Variants in KCNK13 observed in about 807,000 individuals in gnomAD.
KCNK13 encodes potassium two pore domain channel subfamily K member 13, also known as potassium channel subfamily K member 13.
A neutral mutation model predicts 23.4 loss-of-function variants in KCNK13; 12 were observed. The ratio of observed to expected loss-of-function variants is 0.51; its 90% confidence interval spans 0.33 to 0.83. The LOEUF is 0.83. Ranked by LOEUF, KCNK13 falls within the 40% of genes least tolerant of loss-of-function variation. The pLI is 0.02. For missense variants in KCNK13, 463 were observed against 556.3 expected (o/e 0.83, Z 1.69); for synonymous variants, 231 against 229.5 (o/e 1.01, Z -0.06).
At chr14:90,151,883 T>C (rs1156381215) in intron 1 of KCNK13, among the ~76,000 whole-genome samples, 1 of 152,228 alleles carries the variant, frequency 6.6e-6, no homozygotes, top group African/African-American at 2.4e-5. Flanking sequence ...GAGACTGTCC[T>C]TTTCCCATTG....
At chr14:90,147,016 A>G (rs184629919) in intron 1 of KCNK13, among the ~76,000 whole-genome samples, 1 of 152,304 alleles carries the variant, frequency 6.6e-6, no homozygotes, top group East Asian at 1.9e-4. Context: ...TATAATATAC[A>G]TGTTAACCTA....
intron 1 of KCNK13, among the ~76,000 whole-genome samples, chr14:90,143,212 CTT>C (rs60670249): frequency 9.8e-5 from 11 of 112,546 alleles, no homozygotes; most frequent in Non-Finnish European, 9.6e-5. Flanking sequence ...TCTTTCTTTT[CTT>C]TTTTTTTTTT....
At chr14:90,095,836 C>T (rs948692969) in intron 1 of KCNK13, among the ~76,000 whole-genome samples, 44 of 152,180 alleles carry the variant, frequency 2.9e-4, no homozygotes, top group African/African-American at 9.9e-4. Context: ...TAACCTGCCC[C>T]CCACCTTCAG....
At chr14:90,126,124 C>T (rs1046271717) in intron 1 of KCNK13, among the ~76,000 whole-genome samples, 2 of 151,476 alleles carry the variant, frequency 1.3e-5, no homozygotes, top group Admixed American at 6.6e-5. Context: ...AGTAAATATC[C>T]CTAAGTCCAC....
At chr14:90,136,041 A>C (rs1290451695) in intron 1 of KCNK13, among the ~76,000 whole-genome samples, 1 of 152,142 alleles carries the variant, frequency 6.6e-6, no homozygotes, top group Non-Finnish European at 1.5e-5. Flanking sequence ...CCCGGGCAGC[A>C]GTATGGTGGA....
At chr14:90,063,743 C>T (rs1459893761) in intron 1 of KCNK13, among the ~76,000 whole-genome samples, 1 of 152,164 alleles carries the variant, frequency 6.6e-6, no homozygotes, top group East Asian at 1.9e-4. Flanking sequence ...GACATTCTGC[C>T]AGGAGAAGCA....
intron 1 of KCNK13, among the ~76,000 whole-genome samples, chr14:90,085,899 C>G (rs1385012838): frequency 6.9e-6 from 1 of 144,342 alleles, no homozygotes; most frequent in Admixed American, 7.1e-5. Context: ...TTTTCCTTTT[C>G]TTGTGCCCTT....
Position 90,062,588 on chromosome 14 carries a change from T to G in KCNK13, c.334+49T>G, listed in dbSNP as rs1380538388. On this transcript the variant is annotated intron_variant, in intron 1 of 1. Transcript: ENST00000282146. This position sits in a 1 kb window ranked among gnomAD's most constrained non-coding sequence, Gnocchi z 4.5. ...TGACAACCTCCGGGCGGCCTCCACT[T>G]CCTCCGGGGGGCAGGACCGACCCTC... 4 of 1,363,152 alleles carry G rather than the reference T, an allele frequency of 2.9e-6. No individual in the cohort carries two copies. Among genetic ancestry groups the G allele is most frequent in the Non-Finnish European group, 3.9e-6 (4 of 1,027,766 alleles). The allele number at this position is 1,363,152 out of a possible 1,614,324, so 84.4% of individuals were successfully genotyped here.
intron 1 of KCNK13, chr14:90,107,797 G>T (rs1889564621): frequency 1.2e-6 from 1 of 853,554 alleles, no homozygotes; most frequent in Admixed American, 1.7e-5. Flanking sequence ...TCAAACAAGG[G>T]CTTCTGGAAT....
chr14:90,114,729 G>A (rs747626935), intron 1 of KCNK13, among the ~76,000 whole-genome samples: 11 of 152,144 alleles, frequency 7.2e-5, no homozygotes, highest in African/African-American at 2.4e-4. Context: ...GGAGGTGTAC[G>A]CTCCTGATTC....
At chr14:90,166,370 C>A (rs910106626) in intron 1 of KCNK13, among the ~76,000 whole-genome samples, 1 of 152,192 alleles carries the variant, frequency 6.6e-6, no homozygotes, top group African/African-American at 2.4e-5. Context: ...TTTAAATCAG[C>A]CTGTAACATA....
At chr14:90,115,154 G>A (rs749585942) in intron 1 of KCNK13, among the ~76,000 whole-genome samples, 22 of 152,070 alleles carry the variant, frequency 1.4e-4, no homozygotes, top group Non-Finnish European at 2.8e-4. Flanking sequence ...CCCAAACACA[G>A]AGAGGACTTT....
chr14:90,120,419 A>G (rs908592344), intron 1 of KCNK13, among the ~76,000 whole-genome samples: 9 of 152,192 alleles, frequency 5.9e-5, no homozygotes, highest in Admixed American at 1.3e-4. Flanking sequence ...ACTTATAAAG[A>G]AAAGAGGTTT....
chr14:90,085,441 CT>C (rs1315771588), intron 1 of KCNK13, among the ~76,000 whole-genome samples: 1 of 151,264 alleles, frequency 6.6e-6, no homozygotes, highest in Non-Finnish European at 1.5e-5. Context: ...AGTGGATCAC[CT>C]GAGGTCAGGA....
chr14:90,122,139 T>C (rs969468594), intron 1 of KCNK13, among the ~76,000 whole-genome samples: 1 of 152,152 alleles, frequency 6.6e-6, no homozygotes, highest in African/African-American at 2.4e-5. Flanking sequence ...TATATTTTAT[T>C]TGTACCCCCT....
At chr14:90,091,147 A>C (rs964104798) in intron 1 of KCNK13, among the ~76,000 whole-genome samples, 1 of 152,214 alleles carries the variant, frequency 6.6e-6, no homozygotes, top group African/African-American at 2.4e-5. Context: ...TTTTAATCAG[A>C]ATCTCAAGAA....
At chr14:90,125,646 T>C (rs1342220573) in intron 1 of KCNK13, among the ~76,000 whole-genome samples, 1 of 151,438 alleles carries the variant, frequency 6.6e-6, no homozygotes, top group Non-Finnish European at 1.5e-5. Context: ...CACACAATGA[T>C]GGAGTATGTC....
intron 1 of KCNK13, among the ~76,000 whole-genome samples, chr14:90,101,906 G>T (rs527531480): frequency 6.7e-6 from 1 of 148,914 alleles, no homozygotes; most frequent in African/African-American, 2.5e-5. Context: ...TTTTTTAAAC[G>T]GAGTTTTGCT....
chr14:90,070,102 C>T (rs964826505), intron 1 of KCNK13, among the ~76,000 whole-genome samples: 14 of 152,170 alleles, frequency 9.2e-5, no homozygotes, highest in Non-Finnish European at 2.1e-4. Flanking sequence ...TAAGCTGCAT[C>T]ATTATTTTAT....
Sources: allele counts gnomAD v4.1 joint callset (sites outside exome capture counted in the v4.1 genomes callset), GRCh38; gene constraint gnomAD v4.1.1; non-coding constraint Gnocchi (gnomAD v3.1); transcripts MANE v1.5; gene names NCBI Gene and HGNC (gene_info 2026-07-23, HGNC 2026-07-21).